CD44: variants seen among roughly 807,000 people sequenced by gnomAD.
The protein encoded by CD44 is CD44 antigen.
CD44 carries 49 observed loss-of-function variants against 88.8 expected under a neutral mutation model. That is an observed-to-expected ratio of 0.55 (90% CI 0.44 to 0.70). The LOEUF is 0.70. Ranked by LOEUF, CD44 falls within the 30% of genes least tolerant of loss-of-function variation. The pLI, the probability that CD44 is intolerant of heterozygous loss-of-function variation, is 0.00. For missense variants in CD44, 883 were observed against 913.8 expected (o/e 0.97, Z 0.43); for synonymous variants, 325 against 312.3 (o/e 1.04, Z -0.43).
At chr11:35,152,718 A>G (rs1860579681) in intron 1 of CD44, among the ~76,000 whole-genome samples, 2 of 151,746 alleles carry the variant, frequency 1.3e-5, no homozygotes, top group Non-Finnish European at 2.9e-5. Flanking sequence ...GTCTCCTCCA[A>G]GCTGCCATTC....
chr11:35,192,793 T>C (rs1946392922), intron 5 of CD44, among the ~76,000 whole-genome samples: 1 of 43,290 alleles, frequency 2.3e-5, no homozygotes, highest in Non-Finnish European at 5.9e-5. Context: ...ATTCTTTCTT[T>C]TTTTTTTTTT....
At position 35,232,114 on chromosome 11, in the gene CD44, T is replaced by TACTTAAGA; in HGVS notation, c.*2783_*2790dup. The TACTTAAGA allele has an allele frequency of 6.6e-6, 1 of 152,598 alleles. No homozygotes were observed. Among genetic ancestry groups the TACTTAAGA allele is most frequent in the Admixed American group, 6.5e-5 (1 of 15,294 alleles). The allele number at this position is 152,598 out of a possible 1,614,324, so 9.5% of individuals were successfully genotyped here. On this transcript the variant is annotated 3_prime_UTR_variant, in exon 18 of 18. Transcript: ENST00000428726. ...TTGACTTATCTGGAAAAGCAAAATG[T>TACTTAAGA]ACTTAAGAATAAGAATAACATGGTC...
At chr11:35,149,119 C>T (rs1000068323) in intron 1 of CD44, among the ~76,000 whole-genome samples, 1 of 152,292 alleles carries the variant, frequency 6.6e-6, no homozygotes, top group Non-Finnish European at 1.5e-5. Flanking sequence ...TACACCTTTA[C>T]TTCCAAATCT....
At chr11:35,181,211 A>G (rs1251582243) in intron 3 of CD44, among the ~76,000 whole-genome samples, 1 of 152,138 alleles carries the variant, frequency 6.6e-6, no homozygotes, top group Non-Finnish European at 1.5e-5. Flanking sequence ...TATGCCTTTG[A>G]CCTTCTTAAA....
chr11:35,206,706 A>G (rs1237892791), intron 11 of CD44, among the ~76,000 whole-genome samples: 2 of 150,476 alleles, frequency 1.3e-5, no homozygotes, highest in Non-Finnish European at 3.0e-5. Flanking sequence ...GACTCCTGTA[A>G]GGAGAAACGT....
chr11:35,146,778 G>A (rs1409933398), intron 1 of CD44, among the ~76,000 whole-genome samples: 2 of 152,144 alleles, frequency 1.3e-5, no homozygotes, highest in East Asian at 1.9e-4. Flanking sequence ...AAATCCAGAC[G>A]ATTGTACCTG....
At chr11:35,174,284 C>G (rs986802915) in intron 1 of CD44, among the ~76,000 whole-genome samples, 2 of 152,190 alleles carry the variant, frequency 1.3e-5, no homozygotes, top group Non-Finnish European at 2.9e-5. Context: ...TAGAACTGTG[C>G]AAGGAAGAGA....
intron 1 of CD44, among the ~76,000 whole-genome samples, chr11:35,156,689 T>G (rs1346421071): frequency 6.6e-6 from 1 of 152,190 alleles, no homozygotes; most frequent in Non-Finnish European, 1.5e-5. Context: ...CCACTGAGCT[T>G]GGCTCCAACT....
At chr11:35,218,203 T>C (rs1360957791) in intron 15 of CD44, among the ~76,000 whole-genome samples, 1 of 152,204 alleles carries the variant, frequency 6.6e-6, no homozygotes, top group Non-Finnish European at 1.5e-5. Flanking sequence ...ATTTTGTTCA[T>C]CTCCTTATTT....
intron 4 of CD44, among the ~76,000 whole-genome samples, chr11:35,187,559 C>A (rs975139412): frequency 6.6e-6 from 1 of 152,096 alleles, no homozygotes; most frequent in Admixed American, 6.5e-5. Context: ...ACATGGAAAA[C>A]CAACATCACA....
At chr11:35,168,551 T>C (rs972585492) in intron 1 of CD44, among the ~76,000 whole-genome samples, 1 of 152,176 alleles carries the variant, frequency 6.6e-6, no homozygotes, top group African/African-American at 2.4e-5. Flanking sequence ...CACCATTGAG[T>C]AGCAGGAACT....
At chr11:35,186,447 C>G (rs1478044789) in intron 3 of CD44, among the ~76,000 whole-genome samples, 1 of 152,086 alleles carries the variant, frequency 6.6e-6, no homozygotes, top group African/African-American at 2.4e-5. Context: ...TTACAATGTT[C>G]CTGCATTACT....
At chr11:35,203,139 TG>T (rs1278069307) in intron 9 of CD44, among the ~76,000 whole-genome samples, 2 of 152,228 alleles carry the variant, frequency 1.3e-5, no homozygotes, top group African/African-American at 4.8e-5. Context: ...TGGTGACCTC[TG>T]GGCTTTATCA....
chr11:35,227,642 T>C (rs1463664618), intron 17 of CD44, among the ~76,000 whole-genome samples: 2 of 152,218 alleles, frequency 1.3e-5, no homozygotes, highest in African/African-American at 2.4e-5. Context: ...GAGGTATAAT[T>C]TTTATTTCCC....
At chr11:35,181,898 TAA>T in intron 3 of CD44, among the ~76,000 whole-genome samples, 1 of 73,430 alleles carries the variant, frequency 1.4e-5, no homozygotes, top group Non-Finnish European at 2.3e-5. Flanking sequence ...ATATATAATA[TAA>T]TATATAATAT....
intron 17 of CD44, among the ~76,000 whole-genome samples, chr11:35,225,543 G>A (rs1213670422): frequency 2.0e-5 from 3 of 152,058 alleles, no homozygotes; most frequent in East Asian, 1.9e-4. Flanking sequence ...GTGGCTGGGC[G>A]CGGGGGCTCA....
chr11:35,190,394 T>G, intron 5 of CD44: 1 of 326,788 alleles, frequency 3.1e-6, no homozygotes, highest in East Asian at 6.3e-5. Context: ...AAAACTGTTT[T>G]CATTTTTTCA....
At chr11:35,140,042 A>G (rs2132915669) in intron 1 of CD44, among the ~76,000 whole-genome samples, 1 of 152,318 alleles carries the variant, frequency 6.6e-6, no homozygotes, top group East Asian at 1.9e-4. Context: ...TATGAGAGGC[A>G]ACCACTGGAC....
intron 5 of CD44, among the ~76,000 whole-genome samples, chr11:35,194,702 A>G (rs1487637111): frequency 2.6e-5 from 4 of 152,156 alleles, no homozygotes; most frequent in African/African-American, 9.7e-5. Flanking sequence ...GGATCTGGGG[A>G]TATGATTGAT....
Sources: allele counts gnomAD v4.1 joint callset (sites outside exome capture counted in the v4.1 genomes callset), GRCh38; gene constraint gnomAD v4.1.1; transcripts MANE v1.5; gene names NCBI Gene and HGNC (gene_info 2026-07-23, HGNC 2026-07-21).